SPI1: variants seen among roughly 807,000 people sequenced by gnomAD.
The protein encoded by SPI1 is transcription factor PU.1.
SPI1 carries 3 observed loss-of-function variants against 30.7 expected under a neutral mutation model. The ratio of observed to expected loss-of-function variants is 0.10; its 90% CI spans 0.04 to 0.25. The LOEUF is 0.25. SPI1 is among the 10% of genes least tolerant of loss of function. The pLI, the probability that SPI1 is intolerant of heterozygous loss-of-function variation, is 1.00. For synonymous variants in SPI1, 169 were observed against 157.1 expected (o/e 1.08, Z -0.56); for missense variants, 261 against 371.5 (o/e 0.70, Z 2.45).
At chr11:47,356,715 A>T (rs951583941) in intron 4 of SPI1, among the ~76,000 whole-genome samples, 3 of 151,582 alleles carry the variant, frequency 2.0e-5, no homozygotes, top group Non-Finnish European at 4.4e-5. Flanking sequence ...GCCCCTGCTC[A>T]CACACACATG....
intron 4 of SPI1, chr11:47,358,289 CAT>C (rs57540026): frequency 0.29 from 144,904 of 496,396 alleles, 22,876 homozygotes; most frequent in Admixed American, 0.36. Flanking sequence ...CCCACTCACA[CAT>C]ATCACTCACA....
chr11:47,355,305 C>G lies in SPI1; in HGVS notation c.735G>C (p.Lys245Asn). ...CGCTGAACTGGTAGGTGAGCTTCTT[C>G]TTCACCTTCTTGACCTCGCCCGTCT... is the stretch of plus-strand genomic sequence containing the variant. ...YGKTGEVKKV[K>N]KKLTYQFSGE... Residue 245 changes from lysine to asparagine, a missense_variant, in exon 5 of 5, where the codon AAG (lysine) becomes AAC (asparagine). Lys to Asn is a moderately conservative substitution (Grantham distance 94, BLOSUM62 0). Transcript: ENST00000378538. The G allele has an allele frequency of 6.2e-7, 1 of 1,607,542 alleles. No individual in the cohort carries two copies. Among genetic ancestry groups the G allele is most frequent in the Non-Finnish European group, 8.5e-7 (1 of 1,177,326 alleles).
At chr11:47,364,286 G>T (rs79553034) in intron 2 of SPI1, among the ~76,000 whole-genome samples, 1 of 151,914 alleles carries the variant, frequency 6.6e-6, no homozygotes, top group Non-Finnish European at 1.5e-5. Context: ...TCCTGACCTC[G>T]TGATCCACCC....
In SPI1 at chr11:47,355,216, G is replaced by A; in HGVS notation, c.*11C>T. The A allele has an allele frequency of 3.0e-6, 4 of 1,350,434 alleles. No individual in the cohort carries two copies. Among genetic ancestry groups the A allele is most frequent in the Non-Finnish European group, 3.8e-6 (4 of 1,057,694 alleles). The allele number at this position is 1,350,434 out of a possible 1,614,324, so 83.7% of individuals were successfully genotyped here. The stretch of plus-strand genomic sequence containing the variant: ...GGGGAGGCCTGGCGGGGCCCGGCGG[G>A]GGCTGCGGGCTCAGTGGGGCGGGTG... On this transcript the variant is annotated 3_prime_UTR_variant, in exon 5 of 5. Transcript: ENST00000378538.
chr11:47,358,021 G>C (rs1367128296), intron 4 of SPI1, among the ~76,000 whole-genome samples: 2 of 149,144 alleles, frequency 1.3e-5, no homozygotes, highest in Non-Finnish European at 2.9e-5. Context: ...ACACACACAT[G>C]CTTACACATG....
intron 1 of SPI1, among the ~76,000 whole-genome samples, chr11:47,376,409 G>A (rs2095942341): frequency 4.6e-5 from 7 of 152,032 alleles, no homozygotes; most frequent in Admixed American, 4.6e-4. Flanking sequence ...ACACAGCCTG[G>A]GCAAGAGTGG....
rs1217253905 is a variant in SPI1, at chr11:47,375,724, T to C, written c.51A>G (p.Ser17=). The C allele has an allele frequency of 6.2e-7, 1 of 1,613,356 alleles. No individual in the cohort carries two copies. Among genetic ancestry groups the C allele is most frequent in the Non-Finnish European group, 8.5e-7 (1 of 1,179,638 alleles). ...CCGTGTCATAGGGCACCAGGTCTTC[T>C]GATGGCTGCTGAGAGAGGAGGTGTC... ...MEGFPLVPPP[S]EDLVPYDTDL... The change falls in exon 2 of 5, where the codon TCA becomes TCG. Residue 17 remains serine, a synonymous_variant. Transcript: ENST00000378538. This position sits in a 1 kb window ranked among gnomAD's most constrained non-coding sequence, Gnocchi z 4.2.
chr11:47,377,294 G>A (rs943846515), intron 1 of SPI1, among the ~76,000 whole-genome samples: 2 of 152,174 alleles, frequency 1.3e-5, no homozygotes, highest in Admixed American at 6.5e-5. Context: ...AGGGCATAGT[G>A]GGGGAAGGGA....
At chr11:47,377,025 G>A (rs1055566695) in intron 1 of SPI1, among the ~76,000 whole-genome samples, 21 of 152,304 alleles carry the variant, frequency 1.4e-4, no homozygotes, top group Non-Finnish European at 2.4e-4. Flanking sequence ...GACAACCTCC[G>A]TCACCCTCTG....
At chr11:47,373,368 C>T (rs895189350) in intron 2 of SPI1, among the ~76,000 whole-genome samples, 5 of 150,396 alleles carry the variant, frequency 3.3e-5, no homozygotes, top group South Asian at 2.1e-4. Flanking sequence ...AAGGGACAGA[C>T]TGGGCGCGGT....
chr11:47,361,222 C>T (rs1273114217), intron 2 of SPI1, among the ~76,000 whole-genome samples: 1 of 152,236 alleles, frequency 6.6e-6, no homozygotes, highest in Non-Finnish European at 1.5e-5. Flanking sequence ...CACACACACT[C>T]ACACAGCCTT....
intron 4 of SPI1, 75 bp downstream of exon 4, chr11:47,358,769 G>T: frequency 6.8e-7 from 1 of 1,462,106 alleles, no homozygotes; most frequent in African/African-American, 1.4e-5. Flanking sequence ...TGCTGGGTCA[G>T]TTGGCCTGGC....
chr11:47,355,104 G>T lies in SPI1; in HGVS notation c.*123C>A. 1.4e-6 allele frequency: 1 copy of T among 714,192 alleles called. No homozygotes were observed. Among genetic ancestry groups the T allele is most frequent in the Non-Finnish European group, 1.9e-6 (1 of 521,480 alleles). The allele number at this position is 714,192 out of a possible 1,614,324, so 44.2% of individuals were successfully genotyped here. A position where few individuals can be genotyped will look rare whatever the true frequency, so the allele number is the denominator to read the frequency against. ...TGGGGGGAGGGGGCGGGTGAGGCGA[G>T]GCCCGGCCCGCCACAGTCCTGCCTC... On this transcript the variant is annotated 3_prime_UTR_variant, in exon 5 of 5. Transcript: ENST00000378538.
chr11:47,364,685 C>T (rs1249430423), intron 2 of SPI1, among the ~76,000 whole-genome samples: 1 of 152,144 alleles, frequency 6.6e-6, no homozygotes, highest in Non-Finnish European at 1.5e-5. Context: ...CTCCGCACCC[C>T]CACCTCTGTT....
At chr11:47,370,383 C>T (rs1390585473) in intron 2 of SPI1, among the ~76,000 whole-genome samples, 3 of 143,228 alleles carry the variant, frequency 2.1e-5, no homozygotes, top group African/African-American at 7.9e-5. Context: ...GCCTGGGCAA[C>T]ACAGAGAGAC....
intron 2 of SPI1, among the ~76,000 whole-genome samples, chr11:47,369,736 C>T (rs1359235982): frequency 6.6e-6 from 1 of 152,158 alleles, no homozygotes; most frequent in Non-Finnish European, 1.5e-5. Context: ...GATTTCCATA[C>T]ACAGCCAAAC....
chr11:47,369,077 C>A (rs927796867), intron 2 of SPI1, among the ~76,000 whole-genome samples: 2 of 152,128 alleles, frequency 1.3e-5, no homozygotes, highest in African/African-American at 2.4e-5. Flanking sequence ...GAAACCCTGT[C>A]TCTACTAAAA....
At chr11:47,356,201 TCA>T (rs771479837) in intron 4 of SPI1, among the ~76,000 whole-genome samples, 45 of 146,974 alleles carry the variant, frequency 3.1e-4, no homozygotes, top group Non-Finnish European at 5.1e-4. Flanking sequence ...ATGCACCAGC[TCA>T]CACTCACACA....
At chr11:47,357,321 C>T (rs2095912645) in intron 4 of SPI1, among the ~76,000 whole-genome samples, 1 of 148,686 alleles carries the variant, frequency 6.7e-6, no homozygotes, top group African/African-American at 2.5e-5. Context: ...AGCTCTTTCA[C>T]ACCTCATTGA....
Sources: gnomAD v4.1 joint callset for allele counts (sites outside exome capture counted in the v4.1 genomes callset) on GRCh38, gnomAD v4.1.1 for gene constraint, Gnocchi (gnomAD v3.1) non-coding constraint, MANE v1.5 for transcripts, NCBI Gene and HGNC (gene_info 2026-07-23, HGNC 2026-07-21) for gene names.